Variants in STON1 observed in about 807,000 individuals in gnomAD.
STON1 encodes stonin 1, also known as stonin-1.
In STON1, 79 loss-of-function variants were observed where a neutral mutation model predicts 60.9. That is an observed-to-expected ratio of 1.30 (90% CI 1.08 to 1.56). STON1 has a LOEUF of 1.56. STON1 is among the 40% of genes most tolerant of loss of function. STON1 has a pLI of 0.00. For missense variants in STON1, 1,166 were observed against 858.9 expected (o/e 1.36, Z -4.47); for synonymous variants, 363 against 306.9 (o/e 1.18, Z -1.91).
At position 48,547,502 on chromosome 2, in the gene STON1, C is replaced by A. The variant is rs115632320; in HGVS notation, c.-48+17286C>A. 5.8e-3 allele frequency among the ~76,000 whole-genome samples: 879 copies of A among 152,258 alleles called. 5 individuals carry two copies. Among genetic ancestry groups the A allele is most frequent in the African/African-American group, 0.02 (848 of 41,558 alleles). ...ATGGCCAGGATGAGAAGCCCTGAGG[C>A]GGGGATAGCAGTCAGTGTCCCATGG... is the stretch of plus-strand genomic sequence containing the variant. On this transcript the variant is annotated intron_variant, in intron 1 of 3. Transcript: ENST00000404752.
intron 1 of STON1, among the ~76,000 whole-genome samples, chr2:48,536,283 C>G (rs549789451): frequency 2.0e-5 from 3 of 152,122 alleles, no homozygotes; most frequent in Non-Finnish European, 4.4e-5. Flanking sequence ...TGTGGTGGCT[C>G]ACGCTTGTAA....
chr2:48,548,475 C>T (rs1441936974), intron 1 of STON1, among the ~76,000 whole-genome samples: 1 of 151,842 alleles, frequency 6.6e-6, no homozygotes, highest in Non-Finnish European at 1.5e-5. Flanking sequence ...TCTTTTGTTT[C>T]CTTTCTTCTT....
intron 1 of STON1, among the ~76,000 whole-genome samples, chr2:48,555,439 G>A (rs1465049962): frequency 2.2e-5 from 2 of 89,266 alleles, no homozygotes; most frequent in African/African-American, 8.5e-5. Flanking sequence ...GCCACTGGCC[G>A]GGCAGGGGGG....
intron 1 of STON1, among the ~76,000 whole-genome samples, chr2:48,567,311 AT>A (rs1672989336): frequency 6.6e-6 from 1 of 152,148 alleles, no homozygotes; most frequent in African/African-American, 2.4e-5. Flanking sequence ...AGGCTTTTTG[AT>A]TTTCCTTAAG....
intron 1 of STON1, among the ~76,000 whole-genome samples, chr2:48,561,018 C>T (rs1170418186): frequency 6.6e-6 from 1 of 152,172 alleles, no homozygotes; most frequent in East Asian, 1.9e-4. Context: ...GTGTGTCTTA[C>T]TTTCTCCTTT....
intron 1 of STON1, among the ~76,000 whole-genome samples, chr2:48,576,310 C>T (rs895228129): frequency 1.4e-5 from 2 of 147,352 alleles, no homozygotes; most frequent in Non-Finnish European, 3.0e-5. Context: ...ATGCCTCAGC[C>T]TCCTGAGTGG....
At chr2:48,551,161 T>G (rs1672087649) in intron 1 of STON1, among the ~76,000 whole-genome samples, 1 of 152,198 alleles carries the variant, frequency 6.6e-6, no homozygotes, top group Non-Finnish European at 1.5e-5. Context: ...ACATCTATGC[T>G]CTGGTGTGTC....
chr2:48,560,222 C>A (rs960501843), intron 1 of STON1, among the ~76,000 whole-genome samples: 3 of 152,144 alleles, frequency 2.0e-5, no homozygotes, highest in African/African-American at 4.8e-5. Flanking sequence ...GACAGTGGAC[C>A]TTCAGGGGAG....
chr2:48,549,823 A>G (rs1290557042), intron 1 of STON1, among the ~76,000 whole-genome samples: 2 of 151,384 alleles, frequency 1.3e-5, no homozygotes, highest in Non-Finnish European at 2.9e-5. Flanking sequence ...AAAAAAAAAA[A>G]AAAAAAAAAA....
chr2:48,577,593 A>G (rs1439425232), intron 1 of STON1, among the ~76,000 whole-genome samples: 1 of 150,338 alleles, frequency 6.7e-6, no homozygotes, highest in East Asian at 2.0e-4. Context: ...AAAAAAAAAA[A>G]GAAAAAAAAA....
chr2:48,554,518 C>T (rs879792911), intron 1 of STON1, among the ~76,000 whole-genome samples: 8 of 152,218 alleles, frequency 5.3e-5, no homozygotes, highest in Middle Eastern at 3.4e-3. Context: ...CCATTGCGCC[C>T]GGCCTTTTGC....
At chr2:48,555,384 C>T (rs1446436599) in intron 1 of STON1, among the ~76,000 whole-genome samples, 1 of 56,744 alleles carries the variant, frequency 1.8e-5, no homozygotes, top group Non-Finnish European at 3.8e-5. Context: ...CCTCACTTCC[C>T]AGTAGGGGCG....
chr2:48,554,716 T>TGGTAGTCTTTGAAA (rs1196623137), intron 1 of STON1, among the ~76,000 whole-genome samples: 1 of 82,210 alleles, frequency 1.2e-5, no homozygotes, highest in African/African-American at 4.8e-5. Flanking sequence ...AATTTTTTTT[T>TGGTAGTCTTTGAAA]TTTTTTTTTA....
chr2:48,545,453 C>G (rs1671828730), intron 1 of STON1, among the ~76,000 whole-genome samples: 1 of 152,184 alleles, frequency 6.6e-6, no homozygotes, highest in African/African-American at 2.4e-5. Context: ...TGTGTCCCTG[C>G]TACAAACTCC....
chr2:48,591,614 A>G (rs547609408), intron 2 of STON1, 39 bp from the exon 3 acceptor site: 1 of 1,605,464 alleles, frequency 6.2e-7, no homozygotes, highest in Non-Finnish European at 8.5e-7. Flanking sequence ...TTCAATGGCC[A>G]TTAAAATACT....
intron 1 of STON1, among the ~76,000 whole-genome samples, chr2:48,565,013 G>A (rs1307164347): frequency 1.4e-5 from 2 of 141,486 alleles, no homozygotes; most frequent in East Asian, 4.3e-4. Context: ...GATTACAGAC[G>A]TGAGCCACTG....
rs1293925874 is a variant in STON1 at position 48,591,640 on chromosome 2, T to C, written c.1931-13T>C. 1 of 1,611,210 alleles carries C rather than the reference T, an allele frequency of 6.2e-7. No individual in the cohort carries two copies. The highest frequency in any genetic ancestry group is 1.3e-5 in the African/African-American group (1 of 74,820). ...TTAAAATACTTTGACTATTTGATTTTTTTTCCCTCGAGGTCTAGATCATCC... is the reference window on the plus strand; with the variant it reads ...TTAAAATACTTTGACTATTTGATTTCTTTTCCCTCGAGGTCTAGATCATCC... On this transcript the variant is annotated splice_polypyrimidine_tract_variant and intron_variant, in intron 2 of 3. Transcript: ENST00000404752.
chr2:48,548,784 G>A (rs994213389), intron 1 of STON1, among the ~76,000 whole-genome samples: 3 of 152,194 alleles, frequency 2.0e-5, no homozygotes, highest in African/African-American at 4.8e-5. Flanking sequence ...ACAGGCGTGA[G>A]CCACCATGCC....
At chr2:48,558,137 C>T (rs6737732) in intron 1 of STON1, among the ~76,000 whole-genome samples, 49,696 of 152,040 alleles carry the variant, frequency 0.33, 8,261 homozygotes, top group East Asian at 0.4. Flanking sequence ...GCAGAAGAAT[C>T]GCTTGAACCC....
Sources: allele counts gnomAD v4.1 joint callset (sites outside exome capture counted in the v4.1 genomes callset), GRCh38; gene constraint gnomAD v4.1.1; transcripts MANE v1.5; gene names NCBI Gene and HGNC (gene_info 2026-07-23, HGNC 2026-07-21).